CCDC90B: variants seen among roughly 807,000 people sequenced by gnomAD.
CCDC90B encodes coiled-coil domain-containing protein 90B, mitochondrial.
In CCDC90B, 24 loss-of-function variants were observed where a neutral mutation model predicts 37.0. That is an observed-to-expected ratio of 0.65 (90% confidence interval 0.47 to 0.91). The LOEUF (loss-of-function observed/expected upper bound fraction) is 0.91, where lower values mean the gene tolerates loss of function less well. CCDC90B is among the 40% of genes least tolerant of loss of function. The pLI is 0.00. For missense variants in CCDC90B, 319 were observed against 299.0 expected (o/e 1.07, Z -0.49); for synonymous variants, 113 against 101.1 (o/e 1.12, Z -0.71).
Position 83,286,361 on chromosome 11 carries a change from C to T in CCDC90B, c.-389G>A. 1 of 636,496 alleles carries T rather than the reference C, an allele frequency of 1.6e-6. No homozygotes were observed. Among genetic ancestry groups the T allele is most frequent in the Non-Finnish European group, 2.7e-6 (1 of 371,910 alleles). The allele number at this position is 636,496 out of a possible 1,614,324, so 39.4% of individuals were successfully genotyped here. A position where few individuals can be genotyped will look rare whatever the true frequency, so the allele number is the denominator to read the frequency against. ...GCGCTTGGGTCGGGGGAGATGGAGT[C>T]GCATTTAGCCGCACAGCAGCCTGGA... On this transcript the variant is annotated 5_prime_UTR_variant, in exon 1 of 9. Coordinates refer to ENST00000529689, the MANE Select transcript of CCDC90B (RefSeq NM_021825.5).
At chr11:83,273,122 G>A (rs1168263265) in intron 7 of CCDC90B, 1 of 151,794 alleles carries the variant, frequency 6.6e-6, no homozygotes, top group African/African-American at 2.4e-5. Flanking sequence ...AAATATTAGT[G>A]TTTATATGTT....
chr11:83,265,737 G>T, intron 8 of CCDC90B, 128 bp downstream of exon 8: 1 of 605,668 alleles, frequency 1.7e-6, no homozygotes, highest in South Asian at 2.1e-5. Context: ...AGCACTACAG[G>T]GGACCAAGCA....
rs1289313357 is a variant in CCDC90B at position 83,266,062 on chromosome 11, T to A, written c.595-83A>T. On this transcript the variant is annotated intron_variant, in intron 7 of 8. Transcript: ENST00000529689. ...AGCATTTACATTATAAACCCTCACTTATGGGCTAATTGTGATATAAAAGTC... is the reference window on the plus strand; with the variant it reads ...AGCATTTACATTATAAACCCTCACTAATGGGCTAATTGTGATATAAAAGTC... 5.7e-6 allele frequency: 4 copies of A among 698,220 alleles called. No individual in the cohort carries two copies. In the Admixed American group the frequency reaches 7.5e-5, roughly 13 times the overall value. The allele number at this position is 698,220 out of a possible 1,614,324, so 43.3% of individuals were successfully genotyped here.
chr11:83,286,161 G>A lies in CCDC90B; in HGVS notation c.-189C>T, dbSNP rs1382251538. ...GGGTCTCTTCACAGACAGACCCACAGTTCGCGAGCATGGCTCAGCGCTGCC... is the reference window on the plus strand; with the variant it reads ...GGGTCTCTTCACAGACAGACCCACAATTCGCGAGCATGGCTCAGCGCTGCC... On this transcript the variant is annotated 5_prime_UTR_variant, in exon 1 of 9. Transcript: ENST00000529689. 6.5e-7 allele frequency: 1 copy of A among 1,536,004 alleles called. No homozygotes were observed. The highest frequency in any genetic ancestry group is 1.4e-5 in the African/African-American group (1 of 73,042).
Position 83,273,854 on chromosome 11 carries a change from C to A in CCDC90B, c.479G>T (p.Ser160Ile). ...CAGTTTATTATCTGCTCTGATTCGA[C>A]TGGTTTCATGCTTTAAAGAAAGCAA... Reference protein sequence around the residue: ...QVKQQLMHETSRIRADNKLDI... With the variant: ...QVKQQLMHETIRIRADNKLDI... The change falls in exon 6 of 9, where the codon AGT (serine) becomes ATT (isoleucine). Residue 160 changes from serine (S) to isoleucine (I), a missense_variant. Coordinates refer to ENST00000529689, the MANE Select transcript of CCDC90B (RefSeq NM_021825.5). 2.5e-6 allele frequency: 4 copies of A among 1,609,026 alleles called. No individual in the cohort carries two copies. The highest frequency in any genetic ancestry group is 3.4e-6 in the Non-Finnish European group (4 of 1,177,564).
chr11:83,285,689 C>T, intron 1 of CCDC90B, 184 bp downstream of exon 1: 5 of 1,430,048 alleles, frequency 3.5e-6, no homozygotes, highest in Non-Finnish European at 4.6e-6. Flanking sequence ...TTTCCTCAGT[C>T]CTCGCCCCTT....
At chr11:83,275,791 G>A (rs978328592) in intron 3 of CCDC90B, among the ~76,000 whole-genome samples, 1 of 152,178 alleles carries the variant, frequency 6.6e-6, no homozygotes, top group African/African-American at 2.4e-5. Context: ...ACTGTGAGAT[G>A]CCAGCAAGTC....
At chr11:83,271,022 G>A (rs1256578220) in intron 7 of CCDC90B, among the ~76,000 whole-genome samples, 2 of 152,324 alleles carry the variant, frequency 1.3e-5, no homozygotes, top group Non-Finnish European at 2.9e-5. Context: ...AAGAAATGGG[G>A]AAAGGAGTCC....
At chr11:83,277,584 G>A (rs1865116890) in intron 3 of CCDC90B, among the ~76,000 whole-genome samples, 1 of 152,060 alleles carries the variant, frequency 6.6e-6, no homozygotes, top group African/African-American at 2.4e-5. Flanking sequence ...CCCAGTTCAA[G>A]CGATTCTCCT....
In CCDC90B at chr11:83,261,562, T is replaced by C. The variant is rs911950589; in HGVS notation, c.*349A>G. 4.7e-5 allele frequency: 8 copies of C among 168,820 alleles called. No homozygotes were observed. Among genetic ancestry groups the C allele is most frequent in the African/African-American group, 1.9e-4 (8 of 42,106 alleles). 10.5% of individuals were successfully genotyped at this position (168,820 alleles called of 1,614,324 possible). ...TAGGCTAGGGAATGGTTTACAAATA[T>C]TCAACCAATACCCACAAAATCCTGT... On this transcript the variant is annotated 3_prime_UTR_variant, in exon 9 of 9. Coordinates refer to ENST00000529689, the MANE Select transcript of CCDC90B (RefSeq NM_021825.5).
At chr11:83,268,429 CAAA>C (rs140579518) in intron 7 of CCDC90B, among the ~76,000 whole-genome samples, 10 of 144,366 alleles carry the variant, frequency 6.9e-5, no homozygotes, top group Non-Finnish European at 6.1e-5. Context: ...AAATGGAAAG[CAAA>C]AAAAAAAAAA....
chr11:83,283,848 G>C (rs1476691581), intron 1 of CCDC90B, among the ~76,000 whole-genome samples: 1 of 152,196 alleles, frequency 6.6e-6, no homozygotes, highest in African/African-American at 2.4e-5. Context: ...TGTAGTCCCA[G>C]CTACTTGGGA....
rs1046149647 is a variant in CCDC90B at position 83,277,193 on chromosome 11, A to G, written c.324+1533T>C. On this transcript the variant is annotated intron_variant, in intron 3 of 8. Coordinates refer to ENST00000529689, the MANE Select transcript of CCDC90B (RefSeq NM_021825.5). ...GTCCTGGCAGCACAAATATTCCTCA[A>G]ATCACAGCTTTATTTCACTCCCTAT... 2.0e-5 allele frequency among the ~76,000 whole-genome samples: 3 copies of G among 152,216 alleles called. No homozygotes were observed. In the South Asian group the frequency reaches 6.2e-4, roughly 32 times the overall value.
chr11:83,265,950 C>G lies in CCDC90B; in HGVS notation c.624G>C (p.Glu208Asp). The G allele has an allele frequency of 6.2e-7, 1 of 1,608,534 alleles. No individual in the cohort carries two copies. The change falls in exon 8 of 9, where the codon GAG becomes GAC. Residue 208 changes from glutamate (E) to aspartate (D), a missense_variant. By Grantham distance (45) the Glu-to-Asp change is conservative. Transcript: ENST00000529689. Reference protein sequence around the residue: ...KDTQTKSIISETSNKIDAEIA... With the variant: ...KDTQTKSIISDTSNKIDAEIA... ...TTTCAGCGTCAATTTTATTACTGGT[C>G]TCTGAAATAATACTTTTGGTTTGAG...
intron 1 of CCDC90B, chr11:83,285,158 G>T: frequency 7.8e-7 from 1 of 1,281,750 alleles, no homozygotes; most frequent in Non-Finnish European, 1.0e-6. Context: ...GGTGAACAGA[G>T]ATAAGAGGTG....
chr11:83,274,067 A>G lies in CCDC90B; in HGVS notation c.427-75T>C, dbSNP rs1374769830. 8.4e-6 allele frequency: 10 copies of G among 1,183,660 alleles called. No individual in the cohort carries two copies. The Admixed American group carries it at 1.5e-4, about 18-fold the overall frequency. The allele number at this position is 1,183,660 out of a possible 1,614,324, so 73.3% of individuals were successfully genotyped here. On this transcript the variant is annotated intron_variant, in intron 4 of 8. Transcript: ENST00000529689. ...TATGATTAAAAAAATCTGAAACCCT[A>G]GATTACCAAAATTTGGACAATCTAT...
At chr11:83,268,312 A>G (rs1316229961) in intron 7 of CCDC90B, among the ~76,000 whole-genome samples, 2 of 152,204 alleles carry the variant, frequency 1.3e-5, no homozygotes, top group African/African-American at 4.8e-5. Flanking sequence ...AGACTGGCAA[A>G]TTGGATAGAA....
chr11:83,278,668 T>G (rs1344625174), intron 3 of CCDC90B, 58 bp downstream of exon 3: 32 of 1,130,396 alleles, frequency 2.8e-5, no homozygotes, highest in African/African-American at 4.6e-5. Context: ...GACAGAGACA[T>G]AGTTATGAAA....
At chr11:83,282,226 C>A (rs1444062434) in intron 1 of CCDC90B, among the ~76,000 whole-genome samples, 1 of 152,208 alleles carries the variant, frequency 6.6e-6, no homozygotes, top group African/African-American at 2.4e-5. Context: ...TAACTGGGAG[C>A]TGCGGCTTGC....
Sources: allele counts gnomAD v4.1 joint callset (sites outside exome capture counted in the v4.1 genomes callset), GRCh38; gene constraint gnomAD v4.1.1; transcripts MANE v1.5; gene names NCBI Gene and HGNC (gene_info 2026-07-23, HGNC 2026-07-21).